The following DHRS11 variants were observed in gnomAD, a reference collection of about 807,000 sequenced individuals.
DHRS11 encodes the protein dehydrogenase/reductase 11, also known as dehydrogenase/reductase SDR family member 11.
A neutral mutation model predicts 30.7 loss-of-function variants in DHRS11; 18 were observed. The ratio of observed to expected loss-of-function variants is 0.59; its 90% confidence interval spans 0.41 to 0.87. The LOEUF (loss-of-function observed/expected upper bound fraction) is 0.87. Among genes scored for constraint, DHRS11 ranks in the 40% least tolerant of loss-of-function variants. The pLI is 0.00. For synonymous variants in DHRS11, 123 were observed against 139.6 expected (o/e 0.88, Z 0.84); for missense variants, 300 against 349.0 (o/e 0.86, Z 1.12).
At chr17:36,596,162 ATT>A (rs34285767) in intron 2 of DHRS11, 14 of 147,716 alleles carry the variant, frequency 9.5e-5, no homozygotes, top group Non-Finnish European at 1.2e-4. Flanking sequence ...ATTTGATGAA[ATT>A]TTTTTTTTTT....
chr17:36,597,031 T>C (rs924563694), intron 2 of DHRS11: 1 of 379,446 alleles, frequency 2.6e-6, no homozygotes, highest in African/African-American at 2.1e-5. Context: ...CTGAGTCTAT[T>C]AGGATCATCC....
intron 2 of DHRS11, 195 bp from the exon 3 acceptor site, chr17:36,597,968 G>A: frequency 3.2e-6 from 2 of 621,630 alleles, no homozygotes; most frequent in Admixed American, 2.9e-5. Context: ...GTTATCAACT[G>A]GGGGTTGCGG....
rs564492788 is a variant in DHRS11 at position 36,597,463 on chromosome 17, C to T, written c.358-700C>T. On this transcript the variant is annotated intron_variant, in intron 2 of 6. Coordinates refer to ENST00000618403, the MANE Select transcript of DHRS11 (RefSeq NM_024308.4). ...CTTTACAGCAGACACGCCTTCAGAC[C>T]TCTGTTCCCTGAAGGGTGGGGATGT... The T allele has an allele frequency of 2.6e-5, 4 of 156,332 alleles. 1 individual carries two copies. The South Asian group carries it at 8.0e-4, about 31-fold the overall frequency. The allele number at this position is 156,332 out of a possible 1,614,324, so 9.7% of individuals were successfully genotyped here.
At position 36,600,274 on chromosome 17, in the gene DHRS11, G is replaced by A; in HGVS notation, c.*71G>A. ...CTCCTGCCTCTGGATTTTAGGTGTT[G>A]ATTTCTGGATCACGGGATACCACTT... On this transcript the variant is annotated 3_prime_UTR_variant, in exon 7 of 7. Transcript: ENST00000618403. 1 of 1,590,402 alleles carries A rather than the reference G, an allele frequency of 6.3e-7. No homozygotes were observed. The highest frequency in any genetic ancestry group is 1.7e-5 in the Admixed American group (1 of 59,250).
At position 36,591,885 on chromosome 17, in the gene DHRS11, C is replaced by G. The variant is rs1322358610; in HGVS notation, c.-125C>G. On this transcript the variant is annotated 5_prime_UTR_variant, in exon 1 of 7. Transcript: ENST00000618403. ...TCCCGGCCGGAGGCAGGCCGGGACT[C>G]TGGTGGGTCTAGGCGCGGATCGGAC... 9.6e-7 allele frequency: 1 copy of G among 1,042,418 alleles called. No homozygotes were observed. The highest frequency in any genetic ancestry group is 1.2e-6 in the Non-Finnish European group (1 of 821,560). 64.6% of individuals were successfully genotyped at this position (1,042,418 alleles called of 1,614,324 possible).
chr17:36,597,928 G>A, intron 2 of DHRS11: 2 of 583,868 alleles, frequency 3.4e-6, no homozygotes, highest in East Asian at 2.9e-5. Flanking sequence ...GCAGGAACTT[G>A]GGGGGTCAGC....
intron 1 of DHRS11, among the ~76,000 whole-genome samples, chr17:36,594,407 T>C (rs35230968): frequency 0.38 from 58,474 of 152,004 alleles, 11,658 homozygotes; most frequent in Middle Eastern, 0.48. Flanking sequence ...CTGGCCCCTG[T>C]TCCACCCAGG....
intron 1 of DHRS11, among the ~76,000 whole-genome samples, chr17:36,594,190 G>A (rs1166141295): frequency 2.0e-5 from 3 of 152,174 alleles, no homozygotes; most frequent in Non-Finnish European, 4.4e-5. Context: ...TGAGCCAGTT[G>A]GCTGCAGTTT....
At chr17:36,595,291 C>A (rs1194082763) in intron 2 of DHRS11, 111 bp downstream of exon 2, 1 of 1,197,972 alleles carries the variant, frequency 8.3e-7, no homozygotes, top group African/African-American at 1.5e-5. Context: ...GAAGAGGGAG[C>A]TTCGGGTTCC....
In DHRS11 at chr17:36,598,598, G is replaced by A. The variant is rs2074830082; in HGVS notation, c.453-323G>A. On this transcript the variant is annotated intron_variant, in intron 3 of 6. Transcript: ENST00000618403. ...GGAGCCCCAGTCTGAGGGGGGACAT[G>A]GCCTCTGCCTGCCTTGAGATGTCCC... 6.8e-5 allele frequency: 34 copies of A among 501,598 alleles called. 1 individual carries two copies. The South Asian group carries it at 9.0e-4, about 13-fold the overall frequency. The allele number at this position is 501,598 out of a possible 1,614,324, so 31.1% of individuals were successfully genotyped here.
intron 2 of DHRS11, chr17:36,596,823 G>A (rs1399836427): frequency 8.5e-6 from 4 of 470,916 alleles, no homozygotes; most frequent in Admixed American, 4.7e-5. Context: ...CCCATCTGCT[G>A]ACAGTAGACT....
chr17:36,595,071 C>T lies in DHRS11; in HGVS notation c.248C>T (p.Ala83Val), dbSNP rs943384160. 4 of 1,614,082 alleles carry T rather than the reference C, an allele frequency of 2.5e-6. No individual in the cohort carries two copies. In the African/African-American group the frequency reaches 4.0e-5, roughly 16 times the overall value. The change falls in exon 2 of 7, where the codon GCT becomes GTT. Residue 83 changes from alanine to valine, a missense_variant. By Grantham distance (64) the Ala-to-Val change is moderately conservative. Coordinates refer to ENST00000618403, the MANE Select transcript of DHRS11 (RefSeq NM_024308.4). ...NEEDILSMFS[A>V]IRSQHSGVDI... ...GAGGACATCCTCTCCATGTTCTCAG[C>T]TATCCGTTCTCAGCACAGCGGTGTA... is the stretch of plus-strand genomic sequence containing the variant.
rs758364882 is a variant in DHRS11 at position 36,599,039 on chromosome 17, A to G, written c.571A>G (p.Ile191Val). Residue 191 changes from isoleucine (I) to valine (V), a missense_variant, in exon 4 of 7, where the codon ATC (isoleucine) becomes GTC (valine). Coordinates refer to ENST00000618403, the MANE Select transcript of DHRS11 (RefSeq NM_024308.4). ...AGAGCTTCGGGAGGCCCAGACCCAC[A>G]TCCGAGCCACGGTGAGGCTGTGGCC... ...RQELREAQTH[I>V]RATCISPGVV... 2.5e-6 allele frequency: 4 copies of G among 1,611,838 alleles called. No individual in the cohort carries two copies. In the East Asian group the frequency reaches 6.7e-5, roughly 27 times the overall value.
Position 36,598,276 on chromosome 17 carries a change from T to C in DHRS11, c.452+19T>C, listed in dbSNP as rs1272436331. 1 of 1,611,428 alleles carries C rather than the reference T, an allele frequency of 6.2e-7. No individual in the cohort carries two copies. Among genetic ancestry groups the C allele is most frequent in the East Asian group, 2.2e-5 (1 of 44,856 alleles). ...TCAATAGGTGAGGGCAGGTGGCCAATGGGTACCACTCACCCACCAGGCTGG... is the reference window on the plus strand; with the variant it reads ...TCAATAGGTGAGGGCAGGTGGCCAACGGGTACCACTCACCCACCAGGCTGG... On this transcript the variant is annotated intron_variant, in intron 3 of 6. Coordinates refer to ENST00000618403, the MANE Select transcript of DHRS11 (RefSeq NM_024308.4).
intron 2 of DHRS11, chr17:36,596,944 C>T: frequency 2.2e-6 from 1 of 461,310 alleles, no homozygotes; most frequent in Non-Finnish European, 4.5e-6. Context: ...GTCTCTAAAC[C>T]TGGACCTCAA....
intron 2 of DHRS11, chr17:36,597,632 G>A (rs1234654934): frequency 5.8e-6 from 1 of 173,230 alleles, no homozygotes; most frequent in African/African-American, 2.4e-5. Flanking sequence ...TCATCTCAAG[G>A]GAGGGGATGG....
At position 36,599,767 on chromosome 17, in the gene DHRS11, G is replaced by T. The variant is rs1443310384; in HGVS notation, c.675+4G>T. The T allele has an allele frequency of 6.2e-6, 10 of 1,614,182 alleles. No individual in the cohort carries two copies. In the Admixed American group the frequency reaches 1.7e-4, roughly 27 times the overall value. ...TGCCACCTATGAGCAAATGAAGGTG[G>T]GGCCTCCCTCTGAGCCTGGTGAAGC... On this transcript the variant is annotated splice_donor_region_variant and intron_variant, in intron 5 of 6. Coordinates refer to ENST00000618403, the MANE Select transcript of DHRS11 (RefSeq NM_024308.4).
intron 1 of DHRS11, among the ~76,000 whole-genome samples, chr17:36,594,170 C>T (rs1219291977): frequency 6.6e-6 from 1 of 152,138 alleles, no homozygotes; most frequent in Non-Finnish European, 1.5e-5. Context: ...AAAGGCATGT[C>T]TGAGAACTCT....
At position 36,592,103 on chromosome 17, in the gene DHRS11, G is replaced by C; in HGVS notation, c.94G>C (p.Val32Leu). ...GIGAAVARAL[V>L]QQGLKVVGCA... ...CGGCGCGGCCGTGGCCCGGGCCCTG[G>C]TCCAGCAGGGACTGAAGGTGGTGGG... is the stretch of plus-strand genomic sequence containing the variant. The change falls in exon 1 of 7, where the codon GTC becomes CTC. Residue 32 changes from valine to leucine, a missense_variant. Physicochemically the swap from Val to Leu is conservative, Grantham distance 32. Transcript: ENST00000618403. This position sits in a 1 kb window ranked among gnomAD's most constrained non-coding sequence, Gnocchi z 4.4. The C allele has an allele frequency of 1.6e-6, 2 of 1,263,414 alleles. No individual in the cohort carries two copies. The highest frequency in any genetic ancestry group is 2.0e-6 in the Non-Finnish European group (2 of 1,004,006). The allele number at this position is 1,263,414 out of a possible 1,614,324, so 78.3% of individuals were successfully genotyped here.
Sources: allele counts gnomAD v4.1 joint callset (sites outside exome capture counted in the v4.1 genomes callset), GRCh38; gene constraint gnomAD v4.1.1; non-coding constraint Gnocchi (gnomAD v3.1); transcripts MANE v1.5; gene names NCBI Gene and HGNC (gene_info 2026-07-23, HGNC 2026-07-21).